The following SBNO2 variants were observed in gnomAD, a reference collection of about 807,000 sequenced individuals.
SBNO2 encodes the protein protein strawberry notch homolog 2.
SBNO2 carries 89 observed loss-of-function variants against 146.3 expected under a neutral mutation model. The ratio of observed to expected loss-of-function variants is 0.61; its 90% CI spans 0.51 to 0.73. The LOEUF (loss-of-function observed/expected upper bound fraction) is 0.73, where lower values mean the gene tolerates loss of function less well. Among genes scored for constraint, SBNO2 ranks in the 30% least tolerant of loss-of-function variants. The pLI is 0.00. For missense variants in SBNO2, 2,092 were observed against 2,003.7 expected (o/e 1.04, Z -0.84); for synonymous variants, 1,147 against 892.6 (o/e 1.29, Z -5.08).
chr19:1,123,687 G>A (rs758048658), intron 6 of SBNO2, 48 bp from the exon 7 acceptor site: 13 of 1,533,830 alleles, frequency 8.5e-6, no homozygotes, highest in African/African-American at 4.1e-5. Context: ...CTGAGCGGCC[G>A]CGGGCACTGG....
chr19:1,149,235 C>A, intron 3 of SBNO2, 134 bp downstream of exon 3: 2 of 771,994 alleles, frequency 2.6e-6, no homozygotes, highest in Admixed American at 2.4e-5. Flanking sequence ...CCTTCCAGGA[C>A]CACGTGCACA....
chr19:1,125,196 C>CA (rs397859410), intron 5 of SBNO2, among the ~76,000 whole-genome samples: 6,050 of 133,592 alleles, frequency 0.045, 197 homozygotes, highest in East Asian at 0.17. Flanking sequence ...ACTAAAGATA[C>CA]AAAAAAAAAA....
rs578140010 is a variant in SBNO2 at position 1,135,223 on chromosome 19, A to G, written c.280-7458T>C. On this transcript the variant is annotated intron_variant, in intron 4 of 31. Transcript: ENST00000361757. The stretch of plus-strand genomic sequence containing the variant: ...CAAAAAATACAAAAACCAGCTGCGC[A>G]TGGTGGCGGGCACCTGTGGTCCCAG... Among the ~76,000 whole-genome samples, 18 of 151,752 alleles carry G rather than the reference A, an allele frequency of 1.2e-4. 1 individual carries two copies. The East Asian group carries it at 3.3e-3, about 28-fold the overall frequency.
chr19:1,166,152 TCCCAGACTTCAGATCC>T (rs2080421272), intron 1 of SBNO2, among the ~76,000 whole-genome samples: 1 of 73,490 alleles, frequency 1.4e-5, no homozygotes, highest in African/African-American at 5.2e-5. Context: ...AGACCCCAGA[TCCCAGACTTCAGATCC>T]CCAGACCCCA....
intron 4 of SBNO2, among the ~76,000 whole-genome samples, chr19:1,139,658 G>T: frequency 6.6e-6 from 1 of 152,158 alleles, no homozygotes; most frequent in East Asian, 1.9e-4. Context: ...AGCTGGGCGC[G>T]GTGGCGCACA....
At chr19:1,135,910 C>A (rs920978015) in intron 4 of SBNO2, among the ~76,000 whole-genome samples, 1 of 152,118 alleles carries the variant, frequency 6.6e-6, no homozygotes, top group Non-Finnish European at 1.5e-5. Flanking sequence ...CTAGAGTGCC[C>A]CGTGCAGAGC....
rs1416458819 is a variant in SBNO2 at position 1,117,451 on chromosome 19, G to T, written c.1576C>A (p.Leu526Met). 2 of 1,589,230 alleles carry T rather than the reference G, an allele frequency of 1.3e-6. No individual in the cohort carries two copies. Among genetic ancestry groups the T allele is most frequent in the African/African-American group, 2.7e-5 (2 of 74,374 alleles). Residue 526 changes from leucine (L) to methionine (M), a missense_variant, in exon 15 of 32, where the codon CTG becomes ATG. Physicochemically the swap from Leu to Met is conservative, Grantham distance 15. Transcript: ENST00000361757. ...CCCCACAGGGACTTGCGCGACTCCAGGCCGATCCAGTCGGCCGCCTGCTGG... is the reference window on the plus strand; with the variant it reads ...CCCCACAGGGACTTGCGCGACTCCATGCCGATCCAGTCGGCCGCCTGCTGG... The part of the protein sequence containing the change: ...VFQQAADWIG[L>M]ESRKSLWGQF...
chr19:1,132,073 C>T (rs2080035529), intron 4 of SBNO2: 1 of 1,518,478 alleles, frequency 6.6e-7, no homozygotes. Context: ...TCGCCCGCCC[C>T]GGGAAGGGAG....
In SBNO2 at chr19:1,163,295, G is replaced by C. The variant is rs868653996; in HGVS notation, c.-126-8893C>G. ...CCCACACATCGGGAGACGGCCGCAT[G>C]GAGACGGAGCAGAGGCTGGAGTGAC... On this transcript the variant is annotated intron_variant, in intron 1 of 31. Coordinates refer to ENST00000361757, the MANE Select transcript of SBNO2 (RefSeq NM_014963.3). 7.3e-5 allele frequency among the ~76,000 whole-genome samples: 11 copies of C among 151,694 alleles called. No individual in the cohort carries two copies. The South Asian group carries it at 8.3e-4, about 11-fold the overall frequency.
chr19:1,108,907 T>TGCCGCA lies in SBNO2; in HGVS notation c.3482_3487dup (p.Leu1161_Arg1162dup). On this transcript the variant is annotated inframe_insertion, in exon 31 of 32. Transcript: ENST00000361757. ...CAGCGCGCCGCACAGCATGTAGTGG[T>TGCCGCA]GCCGCAGCCGCAGCCCCTGCAGGCA... 1 of 1,580,708 alleles carries TGCCGCA rather than the reference T, an allele frequency of 6.3e-7. No individual in the cohort carries two copies. Among genetic ancestry groups the TGCCGCA allele is most frequent in the Non-Finnish European group, 8.5e-7 (1 of 1,171,090 alleles).
Position 1,107,951 on chromosome 19 carries a change from G to A in SBNO2, c.*269C>T. 1 of 271,310 alleles carries A rather than the reference G, an allele frequency of 3.7e-6. No homozygotes were observed. Among genetic ancestry groups the A allele is most frequent in the Non-Finnish European group, 7.0e-6 (1 of 142,826 alleles). The allele number at this position is 271,310 out of a possible 1,614,324, so 16.8% of individuals were successfully genotyped here. A position where few individuals can be genotyped will look rare whatever the true frequency, so the allele number is the denominator to read the frequency against. On this transcript the variant is annotated 3_prime_UTR_variant, in exon 32 of 32. Transcript: ENST00000361757. The stretch of plus-strand genomic sequence containing the variant: ...TTGGGCCCACTGAGCCCTTGTGGGT[G>A]CCCAGTCCCAGAGCAGCCACCCGGA...
At chr19:1,149,580 T>C in intron 2 of SBNO2, 138 bp from the exon 3 acceptor site, 1 of 723,150 alleles carries the variant, frequency 1.4e-6, no homozygotes, top group East Asian at 2.7e-5. Context: ...CCTGCTGGTA[T>C]CTCCTGGGGA....
At chr19:1,119,235 A>G in intron 13 of SBNO2, 71 bp from the exon 14 acceptor site, 1 of 1,516,738 alleles carries the variant, frequency 6.6e-7, no homozygotes, top group Non-Finnish European at 8.9e-7. Flanking sequence ...AGCGCGAGGC[A>G]GAGCCAGTCG....
At position 1,109,749 on chromosome 19, in the gene SBNO2, G is replaced by A. The variant is rs376131562; in HGVS notation, c.3057C>T (p.Tyr1019=). The stretch of plus-strand genomic sequence containing the variant: ...CCAGGAACACCTGCTGGCTCTCCTC[G>A]TAGATCTCCTCGATACCGGGAGCAA... The part of the protein sequence containing the change: ...LDLAPGIEEI[Y]EESQQVFLAP... The change falls in exon 27 of 32, where the codon TAC becomes TAT. Residue 1019 remains tyrosine (Y), a synonymous_variant. Coordinates refer to ENST00000361757, the MANE Select transcript of SBNO2 (RefSeq NM_014963.3). This position sits in a 1 kb window ranked among gnomAD's most constrained non-coding sequence, Gnocchi z 4.2. 2.1e-5 allele frequency: 33 copies of A among 1,602,640 alleles called. No homozygotes were observed. Among genetic ancestry groups the A allele is most frequent in the East Asian group, 4.5e-5 (2 of 44,604 alleles).
chr19:1,163,475 C>A (rs2080369835), intron 1 of SBNO2, among the ~76,000 whole-genome samples: 1 of 152,210 alleles, frequency 6.6e-6, no homozygotes, highest in Admixed American at 6.5e-5. Flanking sequence ...CTGCGGCCGC[C>A]ACGAGAAGCT....
rs1246677024 is a variant in SBNO2 at position 1,150,796 on chromosome 19, C to T, written c.94-1354G>A. On this transcript the variant is annotated intron_variant, in intron 2 of 31. Coordinates refer to ENST00000361757, the MANE Select transcript of SBNO2 (RefSeq NM_014963.3). The surrounding 1 kb of genome is among the most constrained non-coding windows in gnomAD (Gnocchi z 6.2). ...ACCTCACACTGGCTGGGAACCAGCC[C>T]GGATGGCCGGGGGCCACTTTCTGTA... is the stretch of plus-strand genomic sequence containing the variant. Among the ~76,000 whole-genome samples the T allele has an allele frequency of 1.2e-4, 19 of 152,202 alleles. No homozygotes were observed. Among genetic ancestry groups the T allele is most frequent in the Admixed American group, 5.9e-4 (9 of 15,282 alleles).
chr19:1,171,815 C>T (rs937755443), intron 1 of SBNO2, among the ~76,000 whole-genome samples: 8 of 152,160 alleles, frequency 5.3e-5, no homozygotes, highest in African/African-American at 1.9e-4. Flanking sequence ...TCGGTTTCCC[C>T]GCCAGGTGAG....
rs1023753674 is a variant in SBNO2 at position 1,136,689 on chromosome 19, T to G, written c.280-8924A>C. Among the ~76,000 whole-genome samples, 1 of 152,186 alleles carries G rather than the reference T, an allele frequency of 6.6e-6. No homozygotes were observed. Among genetic ancestry groups the G allele is most frequent in the African/African-American group, 2.4e-5 (1 of 41,440 alleles). ...CTTTTTTGCCCAATGCCAGTAACTG[T>G]GGGGGCTCCGTGGTGCCGGATGGGC... On this transcript the variant is annotated intron_variant, in intron 4 of 31. Coordinates refer to ENST00000361757, the MANE Select transcript of SBNO2 (RefSeq NM_014963.3). The surrounding 1 kb of genome is among the most constrained non-coding windows in gnomAD (Gnocchi z 4.2).
In SBNO2 at chr19:1,111,610, C is replaced by G; in HGVS notation, c.2705G>C (p.Gly902Ala). 1 of 1,581,292 alleles carries G rather than the reference C, an allele frequency of 6.3e-7. No individual in the cohort carries two copies. Among genetic ancestry groups the G allele is most frequent in the Non-Finnish European group, 8.6e-7 (1 of 1,163,806 alleles). ...LSKYNFENKY[G>A]TRALHCVLTT... ...GAGGACACAGTGCAGGGCCCGGGTG[C>G]CATACTAGGGGGAGAAGGTGACTCG... The change falls in exon 24 of 32, where the codon GGC (glycine) becomes GCC (alanine). Residue 902 changes from glycine to alanine, a missense_variant. Coordinates refer to ENST00000361757, the MANE Select transcript of SBNO2 (RefSeq NM_014963.3).
Sources: gnomAD v4.1 joint callset for allele counts (sites outside exome capture counted in the v4.1 genomes callset) on GRCh38, gnomAD v4.1.1 for gene constraint, Gnocchi (gnomAD v3.1) non-coding constraint, MANE v1.5 for transcripts, NCBI Gene and HGNC (gene_info 2026-07-23, HGNC 2026-07-21) for gene names.